CECR2: variants seen among roughly 807,000 people sequenced by gnomAD.
CECR2 encodes the protein chromatin remodeling regulator CECR2.
Under a neutral mutation model 154.5 loss-of-function variants are expected in CECR2, and 30 were observed. That is an observed-to-expected ratio of 0.19 (90% CI 0.15 to 0.26). The LOEUF is 0.26. Among genes scored for constraint, CECR2 ranks in the 10% least tolerant of loss-of-function variants. The pLI, the probability that CECR2 is intolerant of heterozygous loss-of-function variation, is 1.00. For synonymous variants in CECR2, 725 were observed against 683.7 expected, an observed-to-expected ratio of 1.06 and a Z score of -0.94; for missense variants, 1,743 against 1,829.3, an observed-to-expected ratio of 0.95 and a Z score of 0.86.
intron 14 of CECR2, among the ~76,000 whole-genome samples, chr22:17,541,468 C>A (rs1019552480): frequency 6.6e-6 from 1 of 152,150 alleles, no homozygotes; most frequent in Admixed American, 6.5e-5. Context: ...AAAATGTAAT[C>A]TTTATTGTAT....
At chr22:17,548,046 A>G (rs1310844631) in intron 16 of CECR2, 102 bp from the exon 17 acceptor site, 3 of 1,108,106 alleles carry the variant, frequency 2.7e-6, no homozygotes, top group Admixed American at 5.7e-5. Context: ...GGCTTGAATC[A>G]CCACACATCC....
chr22:17,509,078 C>T (rs2055895701), intron 7 of CECR2, among the ~76,000 whole-genome samples: 1 of 152,148 alleles, frequency 6.6e-6, no homozygotes, highest in African/African-American at 2.4e-5. Flanking sequence ...TGGCAAAACC[C>T]CATCTCTACT....
intron 1 of CECR2, among the ~76,000 whole-genome samples, chr22:17,389,212 A>G (rs1183098228): frequency 1.3e-5 from 2 of 152,162 alleles, no homozygotes; most frequent in Admixed American, 6.5e-5. Flanking sequence ...CCACGTGTTC[A>G]GTTTTACACC....
rs187738343 is a variant in CECR2 at position 17,396,884 on chromosome 22, A to T, written c.126+26975A>T. Among the ~76,000 whole-genome samples the T allele has an allele frequency of 6.0e-4, 91 of 152,280 alleles. 2 individuals carry two copies. Among genetic ancestry groups the T allele is most frequent in the African/African-American group, 2.1e-3 (87 of 41,568 alleles). On this transcript the variant is annotated intron_variant, in intron 1 of 18. Coordinates refer to ENST00000262608, the MANE Select transcript of CECR2 (RefSeq NM_001290047.2). ...TGAAGTAGAAAGGATAACACATCTA[A>T]TGAGAGCATGGATTTGAGAGTAGGA...
chr22:17,474,097 TCTC>T (rs2055171327), intron 1 of CECR2, among the ~76,000 whole-genome samples: 1 of 152,178 alleles, frequency 6.6e-6, no homozygotes, highest in Admixed American at 6.5e-5. Flanking sequence ...AAGGCTTTAC[TCTC>T]CAGGGGTTCG....
At chr22:17,500,149 T>C (rs1026674357) in intron 4 of CECR2, among the ~76,000 whole-genome samples, 1 of 150,424 alleles carries the variant, frequency 6.6e-6, no homozygotes, top group Non-Finnish European at 1.5e-5. Context: ...AGGCTGATCT[T>C]GCAGTGAGCC....
At chr22:17,524,862 T>A in intron 9 of CECR2, 1 of 413,318 alleles carries the variant, frequency 2.4e-6, no homozygotes, top group Non-Finnish European at 4.8e-6. Context: ...AGATGGGGTT[T>A]TACCATGTTG....
chr22:17,402,102 G>T (rs924239313), intron 1 of CECR2, among the ~76,000 whole-genome samples: 9 of 152,104 alleles, frequency 5.9e-5, no homozygotes, highest in Non-Finnish European at 1.5e-5. Context: ...TCTTGCCTCA[G>T]CCTCCCGAGT....
At chr22:17,403,299 CCCA>C (rs1333240182) in intron 1 of CECR2, among the ~76,000 whole-genome samples, 2 of 152,096 alleles carry the variant, frequency 1.3e-5, no homozygotes, top group Non-Finnish European at 2.9e-5. Flanking sequence ...TTTGGCTATA[CCCA>C]CTTTTTATCC....
chr22:17,408,935 A>G (rs2054026438), intron 1 of CECR2, among the ~76,000 whole-genome samples: 1 of 151,988 alleles, frequency 6.6e-6, no homozygotes, highest in African/African-American at 2.4e-5. Context: ...ACCTCGTACC[A>G]TTCTCTCCTA....
At chr22:17,391,199 G>C (rs533728381) in intron 1 of CECR2, among the ~76,000 whole-genome samples, 12 of 152,288 alleles carry the variant, frequency 7.9e-5, no homozygotes, top group African/African-American at 2.6e-4. Context: ...ATAACATCCA[G>C]TAAACAGTTC....
rs1175587784 is a variant in CECR2 at position 17,389,646 on chromosome 22, G to A, written c.126+19737G>A. Among the ~76,000 whole-genome samples, 3 of 151,948 alleles carry A rather than the reference G, an allele frequency of 2.0e-5. No homozygotes were observed. In the East Asian group the frequency reaches 5.8e-4, roughly 29 times the overall value. On this transcript the variant is annotated intron_variant, in intron 1 of 18. Coordinates refer to ENST00000262608, the MANE Select transcript of CECR2 (RefSeq NM_001290047.2). ...CTTTTTTATTTATTTATTTATTTTT[G>A]AGATGGAGTCTCACTCTGTTGCCCA... is the stretch of plus-strand genomic sequence containing the variant.
At chr22:17,525,380 G>A (rs568613760) in intron 9 of CECR2, among the ~76,000 whole-genome samples, 7 of 148,506 alleles carry the variant, frequency 4.7e-5, no homozygotes, top group East Asian at 4.2e-4. Context: ...AGTGGCTCAC[G>A]CCTGTAATCC....
intron 1 of CECR2, among the ~76,000 whole-genome samples, chr22:17,443,560 A>G (rs1247800021): frequency 1.3e-5 from 2 of 152,114 alleles, no homozygotes; most frequent in African/African-American, 4.8e-5. Flanking sequence ...GAAGAGATGG[A>G]AAAAAAGTTA....
chr22:17,483,174 C>T (rs578124116), intron 2 of CECR2, among the ~76,000 whole-genome samples: 6 of 152,154 alleles, frequency 3.9e-5, no homozygotes, highest in East Asian at 1.9e-4. Context: ...CGGCCTAGGC[C>T]GATGTGTGTG....
At position 17,540,708 on chromosome 22, in the gene CECR2, C is replaced by T. The variant is rs376281162; in HGVS notation, c.1792C>T (p.Pro598Ser). 44 of 1,613,284 alleles carry T rather than the reference C, an allele frequency of 2.7e-5. No individual in the cohort carries two copies. The African/African-American group carries it at 5.5e-4, about 20-fold the overall frequency. ...TCAGAGCAGCAGCTCCACACAGCCC[C>T]CGCGGGAGGTGGGCACTTCCAATGG... ...DDQSSSSTQP[P>S]REVGTSNGRG... The change falls in exon 14 of 19, where the codon CCG becomes TCG. Residue 598 changes from proline to serine, a missense_variant. Transcript: ENST00000262608.
intron 1 of CECR2, among the ~76,000 whole-genome samples, chr22:17,466,293 G>T (rs952904627): frequency 1.3e-5 from 2 of 150,464 alleles, no homozygotes; most frequent in Non-Finnish European, 2.9e-5. Flanking sequence ...ATTGATTGAG[G>T]TTGGTTTCAG....
At chr22:17,435,207 C>CTTT (rs962873112) in intron 1 of CECR2, among the ~76,000 whole-genome samples, 1 of 150,816 alleles carries the variant, frequency 6.6e-6, no homozygotes. Context: ...TTCTTTCTTT[C>CTTT]TTTTTTTTTA....
intron 16 of CECR2, among the ~76,000 whole-genome samples, chr22:17,546,717 G>A (rs748119267): frequency 4.6e-5 from 7 of 151,848 alleles, no homozygotes; most frequent in Non-Finnish European, 1.0e-4. Context: ...ATCACACCTG[G>A]ACAACTGTCC....
Sources: allele counts gnomAD v4.1 joint callset (sites outside exome capture counted in the v4.1 genomes callset), GRCh38; gene constraint gnomAD v4.1.1; transcripts MANE v1.5; gene names NCBI Gene and HGNC (gene_info 2026-07-23, HGNC 2026-07-21).